Variants in PALLD observed in about 807,000 individuals in gnomAD.
The protein encoded by PALLD is palladin, cytoskeletal associated protein, also known as palladin.
PALLD carries 61 observed loss-of-function variants against 123.5 expected under a neutral mutation model. That is an observed-to-expected ratio of 0.49 (90% confidence interval 0.40 to 0.61). The LOEUF is 0.61. PALLD is among the 20% of genes least tolerant of loss of function. The pLI is 0.00. For missense variants in PALLD, 1,273 were observed against 1,377.0 expected (o/e 0.92, Z 1.20); for synonymous variants, 465 against 496.4 (o/e 0.94, Z 0.84).
At chr4:168,832,296 A>G in intron 10 of PALLD, 1 of 662,192 alleles carries the variant, frequency 1.5e-6, no homozygotes, top group Non-Finnish European at 1.9e-6. Context: ...CGGGGAGGAC[A>G]AGAGACTCGT....
At chr4:168,741,665 CAG>C (rs1429120110) in intron 10 of PALLD, among the ~76,000 whole-genome samples, 11 of 151,944 alleles carry the variant, frequency 7.2e-5, no homozygotes, top group South Asian at 4.2e-4. Context: ...GCCTAGACGA[CAG>C]AGTACAATCC....
intron 10 of PALLD, among the ~76,000 whole-genome samples, chr4:168,865,406 C>T (rs988131287): frequency 1.3e-5 from 2 of 152,174 alleles, no homozygotes; most frequent in African/African-American, 2.4e-5. Flanking sequence ...ATTCACACCA[C>T]GGACCCTTTG....
intron 15 of PALLD, among the ~76,000 whole-genome samples, chr4:168,911,471 A>G (rs1429438298): frequency 3.9e-5 from 6 of 152,182 alleles, no homozygotes; most frequent in Admixed American, 6.5e-5. Context: ...CATCAGGACA[A>G]TTGGAAGCTA....
chr4:168,683,755 C>T (rs573801518), intron 5 of PALLD, among the ~76,000 whole-genome samples: 5 of 152,212 alleles, frequency 3.3e-5, no homozygotes, highest in African/African-American at 1.2e-4. Context: ...ACAACACTCA[C>T]AGAAAGGTTT....
rs556285099 is a variant in PALLD, at chr4:168,584,799, G to C, written c.908+72387G>C. ...CTGAGAATATGGATAAACTTGAGGG[G>C]GACTGTTTGATGGAAAGTCATTATA... On this transcript the variant is annotated intron_variant, in intron 2 of 21. Transcript: ENST00000505667. Among the ~76,000 whole-genome samples the C allele has an allele frequency of 2.0e-5, 3 of 152,004 alleles. No homozygotes were observed. The East Asian group carries it at 5.8e-4, about 29-fold the overall frequency.
chr4:168,620,994 C>G (rs1293858059), intron 2 of PALLD, among the ~76,000 whole-genome samples: 1 of 152,200 alleles, frequency 6.6e-6, no homozygotes, highest in African/African-American at 2.4e-5. Flanking sequence ...TGTGCTGGCC[C>G]TCTGAATCCA....
At chr4:168,766,670 G>C (rs945528900) in intron 10 of PALLD, among the ~76,000 whole-genome samples, 14 of 152,228 alleles carry the variant, frequency 9.2e-5, no homozygotes, top group Non-Finnish European at 1.3e-4. Context: ...ATGGGAATTG[G>C]TTCAGTGCTT....
intron 10 of PALLD, among the ~76,000 whole-genome samples, chr4:168,809,595 G>T (rs1303787694): frequency 6.6e-6 from 1 of 152,168 alleles, no homozygotes; most frequent in Non-Finnish European, 1.5e-5. Context: ...GGGCACTGTG[G>T]CTCATGCCTG....
chr4:168,571,087 T>G (rs552276015), intron 2 of PALLD, among the ~76,000 whole-genome samples: 2 of 152,100 alleles, frequency 1.3e-5, no homozygotes, highest in Admixed American at 6.6e-5. Flanking sequence ...AGAAAAAACA[T>G]AGAGAGCTTT....
At chr4:168,783,046 A>ATGTGTG (rs150595576) in intron 10 of PALLD, among the ~76,000 whole-genome samples, 2,958 of 116,054 alleles carry the variant, frequency 0.025, 32 homozygotes, top group Non-Finnish European at 0.031. Context: ...TTATATATAT[A>ATGTGTG]TGTGTGTGTG....
chr4:168,538,263 TAAGTAAACAATCCA>T (rs1765275198), intron 2 of PALLD, among the ~76,000 whole-genome samples: 3 of 152,244 alleles, frequency 2.0e-5, no homozygotes, highest in Middle Eastern at 3.4e-3. Flanking sequence ...TTATTCTGAG[TAAGTAAACAATCCA>T]CTTCCTTTTT....
chr4:168,865,496 A>G (rs1750135580), intron 10 of PALLD, among the ~76,000 whole-genome samples: 1 of 152,238 alleles, frequency 6.6e-6, no homozygotes. Flanking sequence ...GAGTATCCAG[A>G]TCCAACTGTG....
chr4:168,906,622 A>C (rs906150918), intron 15 of PALLD, among the ~76,000 whole-genome samples: 2 of 152,130 alleles, frequency 1.3e-5, no homozygotes, highest in African/African-American at 4.8e-5. Flanking sequence ...AATAAAAAAG[A>C]AATTTTTGTT....
At chr4:168,679,907 A>G (rs1031118480) in intron 3 of PALLD, among the ~76,000 whole-genome samples, 2 of 152,116 alleles carry the variant, frequency 1.3e-5, no homozygotes, top group Non-Finnish European at 1.5e-5. Flanking sequence ...AAGAAAGCCT[A>G]CACTGGATGG....
intron 10 of PALLD, among the ~76,000 whole-genome samples, chr4:168,804,046 G>A (rs1262497927): frequency 1.3e-5 from 2 of 151,754 alleles, no homozygotes; most frequent in African/African-American, 4.8e-5. Context: ...AAACAGGCCT[G>A]GCTTTTTACA....
At chr4:168,685,820 A>G (rs10011013) in intron 6 of PALLD, among the ~76,000 whole-genome samples, 1 of 147,362 alleles carries the variant, frequency 6.8e-6, no homozygotes, top group Non-Finnish European at 1.5e-5. Context: ...GAAAAAAAAA[A>G]AAAAAAAAAA....
chr4:168,756,801 G>A (rs1663470204), intron 10 of PALLD, among the ~76,000 whole-genome samples: 1 of 152,198 alleles, frequency 6.6e-6, no homozygotes, highest in African/African-American at 2.4e-5. Flanking sequence ...CACCACAGGA[G>A]AAATTGTGTT....
At chr4:168,500,212 A>G (rs1236031857) in intron 1 of PALLD, among the ~76,000 whole-genome samples, 1 of 152,156 alleles carries the variant, frequency 6.6e-6, no homozygotes, top group African/African-American at 2.4e-5. Flanking sequence ...TTGCATTGTC[A>G]CTGAATTCTT....
intron 10 of PALLD, among the ~76,000 whole-genome samples, chr4:168,739,485 T>C (rs188742092): frequency 3.9e-5 from 6 of 152,266 alleles, no homozygotes; most frequent in Admixed American, 3.3e-4. Flanking sequence ...AAAAAATAAG[T>C]TCTAATGTTC....
Sources: allele counts gnomAD v4.1 joint callset (sites outside exome capture counted in the v4.1 genomes callset), GRCh38; gene constraint gnomAD v4.1.1; transcripts MANE v1.5; gene names NCBI Gene and HGNC (gene_info 2026-07-23, HGNC 2026-07-21).